Variants in TDP1 observed in about 807,000 individuals in gnomAD.
TDP1 encodes the protein tyrosyl-DNA phosphodiesterase 1.
A neutral mutation model predicts 81.5 loss-of-function variants in TDP1; 64 were observed. The ratio of observed to expected loss-of-function variants is 0.79; its 90% CI spans 0.64 to 0.97. The LOEUF is 0.97. Among genes scored for constraint, TDP1 ranks in the 50% least tolerant of loss-of-function variants. TDP1 has a pLI of 0.00. For synonymous variants in TDP1, 256 were observed against 264.3 expected (o/e 0.97, Z 0.30); for missense variants, 723 against 743.8 (o/e 0.97, Z 0.33).
rs944764979 is a variant in TDP1 at position 90,037,258 on chromosome 14, C to T, written c.1753+4044C>T. On this transcript the variant is annotated intron_variant, in intron 16 of 16. Coordinates refer to ENST00000335725, the MANE Select transcript of TDP1 (RefSeq NM_018319.4). ...ATCTTAACCTTTCTTCCAAGGGCAT[C>T]TGTTTTGCACTCCCTTCTTAGCTTA... Among the ~76,000 whole-genome samples, 7 of 152,316 alleles carry T rather than the reference C, an allele frequency of 4.6e-5. No individual in the cohort carries two copies. The East Asian group carries it at 1.4e-3, about 29-fold the overall frequency.
In TDP1 at chr14:89,974,583, G is replaced by A. The variant is rs185108943; in HGVS notation, c.757-1198G>A. Reference sequence around the variant, plus strand: ...CCCATGTCATGTGGTAAGGAGGCTGGGGTAGGTAGTGGGGAGAGGTTGCAG... The same window carrying A: ...CCCATGTCATGTGGTAAGGAGGCTGAGGTAGGTAGTGGGGAGAGGTTGCAG... On this transcript the variant is annotated intron_variant, in intron 6 of 16. Transcript: ENST00000335725. Among the ~76,000 whole-genome samples the A allele has an allele frequency of 6.6e-5, 10 of 152,302 alleles. No individual in the cohort carries two copies. The East Asian group carries it at 1.9e-3, about 29-fold the overall frequency.
chr14:90,029,609 C>G (rs553243405), intron 15 of TDP1, among the ~76,000 whole-genome samples: 1 of 151,628 alleles, frequency 6.6e-6, no homozygotes, highest in South Asian at 2.1e-4. Flanking sequence ...AGCGATTCTC[C>G]TGTCTCAGCC....
At chr14:90,039,567 A>G (rs2140349073) in intron 16 of TDP1, among the ~76,000 whole-genome samples, 1 of 152,278 alleles carries the variant, frequency 6.6e-6, no homozygotes, top group Non-Finnish European at 1.5e-5. Flanking sequence ...GGGTGAGAGC[A>G]GAGTCATAAG....
intron 8 of TDP1, among the ~76,000 whole-genome samples, chr14:89,982,460 A>G (rs1895088664): frequency 6.6e-6 from 1 of 152,196 alleles, no homozygotes; most frequent in Non-Finnish European, 1.5e-5. Context: ...GCTTGTTCTC[A>G]TGAAACAATG....
chr14:89,955,036 T>A (rs778223805), upstream of TDP1: 8 of 267,468 alleles, frequency 3.0e-5, no homozygotes, highest in Non-Finnish European at 5.0e-5. Flanking sequence ...CATCTTGCAA[T>A]AGGTTACTTT....
chr14:89,961,055 G>A (rs1278758460), intron 2 of TDP1, among the ~76,000 whole-genome samples: 1 of 152,184 alleles, frequency 6.6e-6, no homozygotes, highest in African/African-American at 2.4e-5. Flanking sequence ...TGAATGGGTT[G>A]GCCAAGTATA....
chr14:89,991,004 C>T (rs143045052), intron 12 of TDP1, among the ~76,000 whole-genome samples: 3 of 152,212 alleles, frequency 2.0e-5, no homozygotes, highest in Non-Finnish European at 4.4e-5. Flanking sequence ...GAACTGTTTA[C>T]TGAACGTTTT....
chr14:90,000,668 A>C (rs954762483), intron 14 of TDP1, among the ~76,000 whole-genome samples: 8 of 152,206 alleles, frequency 5.3e-5, no homozygotes, highest in Non-Finnish European at 1.2e-4. Flanking sequence ...TATAGGCATG[A>C]ACTACTGCAC....
intron 16 of TDP1, among the ~76,000 whole-genome samples, chr14:90,038,948 A>G (rs560977400): frequency 2.0e-5 from 3 of 151,488 alleles, no homozygotes; most frequent in African/African-American, 7.3e-5. Flanking sequence ...TTTTAGAATG[A>G]TTTTGGCCAT....
intron 8 of TDP1, among the ~76,000 whole-genome samples, chr14:89,983,488 T>G (rs1895225062): frequency 6.6e-6 from 1 of 152,192 alleles, no homozygotes; most frequent in African/African-American, 2.4e-5. Context: ...GCCAGTCTCC[T>G]TCAGGGGCTG....
chr14:90,017,331 T>A lies in TDP1; in HGVS notation c.1542-1985T>A, dbSNP rs139069636. 4.2e-4 allele frequency among the ~76,000 whole-genome samples: 63 copies of A among 151,566 alleles called. 1 individual carries two copies. In the East Asian group the frequency reaches 1.0e-2, roughly 24 times the overall value. Reference sequence around the variant, plus strand: ...CGTGATTCAAAGTATTAACCCAGAATGTAAAAAGTTATTAAAGATGATATC... The same window carrying A: ...CGTGATTCAAAGTATTAACCCAGAAAGTAAAAAGTTATTAAAGATGATATC... On this transcript the variant is annotated intron_variant, in intron 14 of 16. Coordinates refer to ENST00000335725, the MANE Select transcript of TDP1 (RefSeq NM_018319.4).
At chr14:90,028,232 C>T (rs1886877277) in intron 15 of TDP1, among the ~76,000 whole-genome samples, 1 of 152,232 alleles carries the variant, frequency 6.6e-6, no homozygotes, top group African/African-American at 2.4e-5. Context: ...ATTAGTTGGT[C>T]TTTGACTAAG....
chr14:89,980,056 G>A (rs1894800752), intron 7 of TDP1: 2 of 418,032 alleles, frequency 4.8e-6, no homozygotes, highest in Non-Finnish European at 6.4e-6. Flanking sequence ...TCAGTGTATT[G>A]TGCACTAACA....
chr14:89,979,351 C>G (rs1271794488), intron 7 of TDP1, among the ~76,000 whole-genome samples: 1 of 151,614 alleles, frequency 6.6e-6, no homozygotes, highest in African/African-American at 2.4e-5. Context: ...ACTCTGTCAC[C>G]CAGGCTGGAG....
chr14:89,963,545 A>T lies in TDP1; in HGVS notation c.431A>T (p.Glu144Val). ...CACAGGCTCAAAGAGGAGGAAGACG[A>T]GTATGAGACATCAGGGGAGGGCCAG... Reference protein sequence around the residue: ...ACHRLKEEEDEYETSGEGQDI... With the variant: ...ACHRLKEEEDVYETSGEGQDI... Residue 144 changes from glutamate to valine, a missense_variant, in exon 3 of 17, where the codon GAG becomes GTG. Glu to Val is a moderately radical substitution (Grantham distance 121). Coordinates refer to ENST00000335725, the MANE Select transcript of TDP1 (RefSeq NM_018319.4). 1 of 1,610,226 alleles carries T rather than the reference A, an allele frequency of 6.2e-7. No homozygotes were observed. Among genetic ancestry groups the T allele is most frequent in the South Asian group, 1.1e-5 (1 of 90,632 alleles).
rs73324590 is a variant in TDP1 at position 89,978,602 on chromosome 14, C to T, written c.792-1938C>T. On this transcript the variant is annotated intron_variant, in intron 7 of 16. Coordinates refer to ENST00000335725, the MANE Select transcript of TDP1 (RefSeq NM_018319.4). ...TTAACTGTGACCTTATTAACACTAC[C>T]ATTTTGTCTATGAAAAGATGAATAT... Among the ~76,000 whole-genome samples, 906 of 152,300 alleles carry T rather than the reference C, an allele frequency of 5.9e-3. 6 individuals are homozygous for T. Among genetic ancestry groups the T allele is most frequent in the African/African-American group, 0.021 (869 of 41,542 alleles).
In TDP1 at chr14:89,963,168, T is replaced by G. The variant is rs374176429; in HGVS notation, c.54T>G (p.Ser18Arg). The G allele has an allele frequency of 6.2e-7, 1 of 1,613,932 alleles. No homozygotes were observed. The highest frequency in any genetic ancestry group is 8.5e-7 in the Non-Finnish European group (1 of 1,180,030). Residue 18 changes from serine (S) to arginine (R), a missense_variant, in exon 3 of 17, where the codon AGT (serine) becomes AGG (arginine). By Grantham distance (110) the Ser-to-Arg change is moderately radical. Transcript: ENST00000335725. ...GRWTISSSDESEEEKPKPDKP... is the reference protein window; with the variant it reads ...GRWTISSSDEREEEKPKPDKP... ...GGACCATATCTAGTAGTGATGAAAG[T>G]GAGGAAGAAAAGCCAAAACCAGACA...
Position 90,043,263 on chromosome 14 carries a change from C to A in TDP1, c.*120C>A. ...TATTTGCACCCTTACAAAATCTTTC[C>A]AAAGGTCACTCTTATGAATGGATGT... On this transcript the variant is annotated 3_prime_UTR_variant, in exon 17 of 17. Coordinates refer to ENST00000335725, the MANE Select transcript of TDP1 (RefSeq NM_018319.4). 2 of 1,206,346 alleles carry A rather than the reference C, an allele frequency of 1.7e-6. No individual in the cohort carries two copies. Among genetic ancestry groups the A allele is most frequent in the African/African-American group, 1.5e-5 (1 of 66,780 alleles). 74.7% of individuals were successfully genotyped at this position (1,206,346 alleles called of 1,614,324 possible). A position where few individuals can be genotyped will look rare whatever the true frequency, so the allele number is the denominator to read the frequency against.
chr14:89,999,253 G>A (rs1489272921), intron 14 of TDP1, among the ~76,000 whole-genome samples: 5 of 152,092 alleles, frequency 3.3e-5, no homozygotes, highest in Non-Finnish European at 7.4e-5. Context: ...ATGCTCTGGT[G>A]GACAATATCA....
Sources: gnomAD v4.1 joint callset for allele counts (sites outside exome capture counted in the v4.1 genomes callset) on GRCh38, gnomAD v4.1.1 for gene constraint, MANE v1.5 for transcripts, NCBI Gene and HGNC (gene_info 2026-07-23, HGNC 2026-07-21) for gene names.